SEPTIN3: variants seen among roughly 807,000 people sequenced by gnomAD.
The protein encoded by SEPTIN3 is neuronal-specific septin-3.
In SEPTIN3, 15 loss-of-function variants were observed where a neutral mutation model predicts 45.1. The observed-to-expected ratio is 0.33, with a 90% CI of 0.22 to 0.51. SEPTIN3 has a LOEUF of 0.51. SEPTIN3 is among the 20% of genes least tolerant of loss of function. The probability of loss-of-function intolerance (pLI) is 0.97; values close to 1 mark genes in which losing one functional copy is unlikely to be tolerated. For synonymous variants in SEPTIN3, 148 were observed against 164.8 expected (o/e 0.90, Z 0.78); for missense variants, 289 against 457.2 (o/e 0.63, Z 3.35).
rs377444054 is a variant in SEPTIN3 at position 41,996,882 on chromosome 22, C to A, written c.2506-20C>A. ...AGCTGCTGGTCTCCACACCCTCAAC[C>A]GTTCTCAACCCCCCTGCAGGGAGAA... is the stretch of plus-strand genomic sequence containing the variant. On this transcript the variant is annotated intron_variant, in intron 11 of 11. Coordinates refer to ENST00000644076, the MANE Select transcript of SEPTIN3 (RefSeq NM_001363845.2). 3.7e-6 allele frequency: 6 copies of A among 1,613,354 alleles called. No homozygotes were observed. In the African/African-American group the frequency reaches 6.7e-5, roughly 18 times the overall value.
rs2093044534 is a variant in SEPTIN3, at chr22:41,972,978, C to G, written c.1486C>G (p.Leu496Val). The G allele has an allele frequency of 1.5e-5, 6 of 398,834 alleles. No homozygotes were observed. The highest frequency in any genetic ancestry group is 2.7e-5 in the Non-Finnish European group (6 of 226,158). 24.7% of individuals were successfully genotyped at this position (398,834 alleles called of 1,614,324 possible). Residue 496 changes from leucine (L) to valine (V), a missense_variant, in exon 2 of 12, where the codon CTG becomes GTG. Coordinates refer to ENST00000644076, the MANE Select transcript of SEPTIN3 (RefSeq NM_001363845.2). ...DRATEPASLD[L>V]ATEYKGLPET... is the part of the protein sequence containing the mutation. ...AGCCACAGAGCCTGCCTCACTGGAC[C>G]TGGCCACAGAATACAAAGGTAAATG...
intron 11 of SEPTIN3, chr22:41,995,563 T>C: frequency 1.0e-6 from 1 of 985,208 alleles, no homozygotes; most frequent in South Asian, 4.7e-5. Flanking sequence ...CTCTGACATC[T>C]CTCACTTCCT....
At chr22:41,983,433 A>G (rs1449821525) in intron 3 of SEPTIN3, among the ~76,000 whole-genome samples, 2 of 152,092 alleles carry the variant, frequency 1.3e-5, no homozygotes, top group African/African-American at 4.8e-5. Context: ...TGACCAAATA[A>G]TCTTCCCACC....
rs772491347 is a variant in SEPTIN3 at position 41,981,814 on chromosome 22, C to T, written c.1674C>T (p.Phe558=). The T allele has an allele frequency of 2.9e-5, 47 of 1,613,824 alleles. No individual in the cohort carries two copies. In the Admixed American group the frequency reaches 6.8e-4, roughly 23 times the overall value. The change falls in exon 3 of 12, where the codon TTC becomes TTT. Residue 558 remains phenylalanine (F), a synonymous_variant. Coordinates refer to ENST00000644076, the MANE Select transcript of SEPTIN3 (RefSeq NM_001363845.2). The part of the protein sequence containing the change: ...QMRKKTMKTG[F]DFNIMVVGQS... ...GCAAGAAGACCATGAAGACCGGTTTCGACTTCAACATCATGGTCGTTGGTA... is the reference window on the plus strand; with the variant it reads ...GCAAGAAGACCATGAAGACCGGTTTTGACTTCAACATCATGGTCGTTGGTA...
In SEPTIN3 at chr22:41,994,504, T is replaced by G; in HGVS notation, c.2412-117T>G. ...AATGGAAGGTGCTGTAGAAGAATCC[T>G]TAGCTCCTGGGAGTGGTTCCCATTC... On this transcript the variant is annotated intron_variant, in intron 10 of 11. Transcript: ENST00000644076. This position sits in a 1 kb window ranked among gnomAD's most constrained non-coding sequence, Gnocchi z 4.2. 6.4e-7 allele frequency: 1 copy of G among 1,551,672 alleles called. No homozygotes were observed. Among genetic ancestry groups the G allele is most frequent in the Non-Finnish European group, 8.8e-7 (1 of 1,137,568 alleles).
rs773929101 is a variant in SEPTIN3 at position 41,994,342 on chromosome 22, G to T, written c.2411+1G>T. The T allele has an allele frequency of 5.7e-5, 92 of 1,613,844 alleles. No homozygotes were observed. Among genetic ancestry groups the T allele is most frequent in the Non-Finnish European group, 1.7e-6 (2 of 1,179,978 alleles). On this transcript the variant is annotated splice_donor_variant, in intron 10 of 11. Transcript: ENST00000644076. LOFTEE classifies it high-confidence loss of function. The surrounding 1 kb of genome is among the most constrained non-coding windows in gnomAD (Gnocchi z 4.2). ...CCCTGCTTCGAGACTTTGTCATCAGGTAAGATGTCTCCCCTCCAGCTGTCC... is the reference window on the plus strand; with the variant it reads ...CCCTGCTTCGAGACTTTGTCATCAGTTAAGATGTCTCCCCTCCAGCTGTCC...
chr22:41,996,739 G>A (rs1569442425), intron 11 of SEPTIN3, 163 bp from the exon 12 acceptor site: 2 of 1,504,238 alleles, frequency 1.3e-6, no homozygotes, highest in Non-Finnish European at 1.8e-6. Context: ...TGGACCAGCA[G>A]GGGAAGATCT....
chr22:41,974,522 G>A (rs1027890757), intron 2 of SEPTIN3, among the ~76,000 whole-genome samples: 1 of 151,834 alleles, frequency 6.6e-6, no homozygotes, highest in Non-Finnish European at 1.5e-5. Flanking sequence ...CATTAGCCGG[G>A]TGTGGTGGTG....
At position 41,994,508 on chromosome 22, in the gene SEPTIN3, C is replaced by T. The variant is rs967945657; in HGVS notation, c.2412-113C>T. On this transcript the variant is annotated intron_variant, in intron 10 of 11. Transcript: ENST00000644076. The surrounding 1 kb of genome is among the most constrained non-coding windows in gnomAD (Gnocchi z 4.2). ...GAAGGTGCTGTAGAAGAATCCTTAG[C>T]TCCTGGGAGTGGTTCCCATTCACTG... 1.3e-5 allele frequency: 20 copies of T among 1,554,972 alleles called. No homozygotes were observed. In the African/African-American group the frequency reaches 2.3e-4, roughly 18 times the overall value.
chr22:41,986,454 G>A (rs1305380046), intron 4 of SEPTIN3, among the ~76,000 whole-genome samples: 4 of 152,108 alleles, frequency 2.6e-5, no homozygotes, highest in Admixed American at 2.0e-4. Context: ...TGGAGTTCGA[G>A]ACCATCTTGG....
intron 2 of SEPTIN3, among the ~76,000 whole-genome samples, chr22:41,975,730 C>T (rs564847584): frequency 6.6e-6 from 1 of 152,292 alleles, no homozygotes; most frequent in African/African-American, 2.4e-5. Flanking sequence ...CTACTTCCCA[C>T]CTTGTTGGTT....
intron 9 of SEPTIN3, 127 bp downstream of exon 9, chr22:41,992,890 T>C (rs2078341529): frequency 2.9e-6 from 2 of 692,552 alleles, no homozygotes; most frequent in South Asian, 1.7e-5. Context: ...ATTCTGCCCA[T>C]AAGGAGCTTA....
At chr22:41,989,162 T>TC (rs2078259311) in intron 6 of SEPTIN3, among the ~76,000 whole-genome samples, 1 of 150,330 alleles carries the variant, frequency 6.7e-6, no homozygotes, top group Non-Finnish European at 1.5e-5. Context: ...CACACAGTGT[T>TC]GTTTTTTTTT....
Position 41,991,594 on chromosome 22 carries a change from A to C in SEPTIN3, c.2185A>C (p.Asn729His). ...CTAGGTTCGCAAGGAGCTTGAAGTA[A>C]ATGGCATTGAATTCTACCCCCAGAA... ...KQRVRKELEV[N>H]GIEFYPQKEF... Residue 729 changes from asparagine to histidine, a missense_variant, in exon 8 of 12, where the codon AAT becomes CAT. Around this residue, in one of 3 missense-constraint regions of SEPTIN3, gnomAD observed 200 missense variants for 315.1 expected, o/e 0.63. Transcript: ENST00000644076. 1 of 1,613,874 alleles carries C rather than the reference A, an allele frequency of 6.2e-7. No individual in the cohort carries two copies. Among genetic ancestry groups the C allele is most frequent in the Middle Eastern group, 1.6e-4 (1 of 6,062 alleles).
chr22:41,987,952 G>T (rs1220735720), intron 6 of SEPTIN3, among the ~76,000 whole-genome samples, 193 bp downstream of exon 6: 1 of 152,012 alleles, frequency 6.6e-6, no homozygotes, highest in Non-Finnish European at 1.5e-5. Flanking sequence ...GAGGAAGTTT[G>T]ACTTTCTTGC....
At chr22:41,996,285 A>C in intron 11 of SEPTIN3, 1 of 985,392 alleles carries the variant, frequency 1.0e-6, no homozygotes, top group South Asian at 4.7e-5. Context: ...TTAATCTGTA[A>C]GATTCATGAA....
At chr22:41,987,847 C>CCAT in intron 6 of SEPTIN3, 88 bp downstream of exon 6, 1 of 1,426,410 alleles carries the variant, frequency 7.0e-7, no homozygotes, top group East Asian at 2.3e-5. Flanking sequence ...TACGTTGACT[C>CCAT]AGCTAGGCCT....
Position 41,972,601 on chromosome 22 carries a change from C to A in SEPTIN3, c.1109C>A (p.Ala370Asp), listed in dbSNP as rs1388767996. The change falls in exon 2 of 12, where the codon GCC becomes GAC. Residue 370 changes from alanine (A) to aspartate (D), a missense_variant. Ala to Asp is a moderately radical substitution (Grantham distance 126, BLOSUM62 -2). Transcript: ENST00000644076. ...AAAGCCATGGCTACAAGAAGCACAG[C>A]CAAACCAGATATGACCACAGAGGGT... ...LGKAMATRST[A>D]KPDMTTEGIA... is the part of the protein sequence containing the mutation. 2.5e-6 allele frequency: 1 copy of A among 399,140 alleles called. No individual in the cohort carries two copies. Among genetic ancestry groups the A allele is most frequent in the Non-Finnish European group, 4.4e-6 (1 of 226,150 alleles). 24.7% of individuals were successfully genotyped at this position (399,140 alleles called of 1,614,324 possible). A position where few individuals can be genotyped will look rare whatever the true frequency, so the allele number is the denominator to read the frequency against.
chr22:41,974,859 AG>A (rs140029731), intron 2 of SEPTIN3, among the ~76,000 whole-genome samples: 2 of 135,328 alleles, frequency 1.5e-5, no homozygotes, highest in Admixed American at 7.6e-5. Flanking sequence ...TGTCTCAAAA[AG>A]AAAAAAAAAA....
Sources: allele counts gnomAD v4.1 joint callset (sites outside exome capture counted in the v4.1 genomes callset), GRCh38; gene constraint gnomAD v4.1.1; regional missense constraint gnomAD v4.1.1; non-coding constraint Gnocchi (gnomAD v3.1); transcripts MANE v1.5; gene names NCBI Gene and HGNC (gene_info 2026-07-23, HGNC 2026-07-21).